Variants in CDH13 observed in about 807,000 individuals in gnomAD.
The protein encoded by CDH13 is cadherin-13.
CDH13 carries 24 observed loss-of-function variants against 63.8 expected under a neutral mutation model. The ratio of observed to expected loss-of-function variants is 0.38; its 90% CI spans 0.27 to 0.53. The LOEUF (loss-of-function observed/expected upper bound fraction) is 0.53. Among genes scored for constraint, CDH13 ranks in the 20% least tolerant of loss-of-function variants. CDH13 has a pLI of 0.85. For missense variants in CDH13, 1,049 were observed against 903.1 expected (o/e 1.16, Z -2.07); for synonymous variants, 503 against 355.3 (o/e 1.42, Z -4.67).
chr16:82,628,791 T>C (rs773651788), intron 1 of CDH13, among the ~76,000 whole-genome samples: 2 of 152,190 alleles, frequency 1.3e-5, no homozygotes, highest in Admixed American at 6.5e-5. Flanking sequence ...GCAAGGCGGT[T>C]TGGAGCATGC....
chr16:83,800,392 A>G lies in CDH13; in HGVS notation c.*5362A>G, dbSNP rs1259918923. On this transcript the variant is annotated 3_prime_UTR_variant, in exon 14 of 14. Coordinates refer to ENST00000567109, the MANE Select transcript of CDH13 (RefSeq NM_001257.5). Reference sequence around the variant, plus strand: ...AACACTGTCCTGATGACAAAATTTTATGTATCCCCCCAGATAAAAATTTTA... The same window carrying G: ...AACACTGTCCTGATGACAAAATTTTGTGTATCCCCCCAGATAAAAATTTTA... 3 of 152,190 alleles carry G rather than the reference A, an allele frequency of 2.0e-5. No individual in the cohort carries two copies. Among genetic ancestry groups the G allele is most frequent in the African/African-American group, 7.2e-5 (3 of 41,450 alleles). The allele number at this position is 152,190 out of a possible 1,614,324, so 9.4% of individuals were successfully genotyped here. A position where few individuals can be genotyped will look rare whatever the true frequency, so the allele number is the denominator to read the frequency against.
intron 7 of CDH13, among the ~76,000 whole-genome samples, chr16:83,590,860 G>C (rs1203076850): frequency 6.6e-6 from 1 of 151,312 alleles, no homozygotes; most frequent in East Asian, 1.9e-4. Context: ...AAATGCTGCA[G>C]GTGGGCTGTC....
intron 5 of CDH13, among the ~76,000 whole-genome samples, chr16:83,270,363 C>T (rs767123677): frequency 1.1e-4 from 16 of 152,160 alleles, no homozygotes; most frequent in Non-Finnish European, 5.9e-5. Flanking sequence ...GGCTGTGTTT[C>T]ACTGCAATAA....
At chr16:82,865,923 A>T (rs977262167) in intron 2 of CDH13, among the ~76,000 whole-genome samples, 1 of 152,196 alleles carries the variant, frequency 6.6e-6, no homozygotes, top group Non-Finnish European at 1.5e-5. Flanking sequence ...CGTAAAGCTG[A>T]ATGCTTTTAA....
intron 2 of CDH13, among the ~76,000 whole-genome samples, chr16:82,938,226 G>A (rs1342066518): frequency 6.6e-6 from 1 of 152,200 alleles, no homozygotes; most frequent in East Asian, 1.9e-4. Flanking sequence ...TGTAAAAACA[G>A]CCTTTGCCTG....
chr16:82,646,592 T>C (rs1910123277), intron 1 of CDH13, among the ~76,000 whole-genome samples: 1 of 152,092 alleles, frequency 6.6e-6, no homozygotes, highest in Admixed American at 6.6e-5. Flanking sequence ...GAGGCCAAGG[T>C]TGTAATATGG....
At chr16:82,825,338 G>C (rs1036502249) in intron 1 of CDH13, 4 of 151,982 alleles carry the variant, frequency 2.6e-5, no homozygotes, top group Non-Finnish European at 4.4e-5. Context: ...GAATTCACCA[G>C]GAAAATACCA....
chr16:82,852,281 T>C (rs182757196), intron 1 of CDH13, among the ~76,000 whole-genome samples: 1 of 152,216 alleles, frequency 6.6e-6, no homozygotes, highest in African/African-American at 2.4e-5. Flanking sequence ...GGATGTTTAG[T>C]GTACAATCAG....
intron 7 of CDH13, among the ~76,000 whole-genome samples, chr16:83,498,192 C>A (rs749024851): frequency 6.6e-6 from 1 of 152,094 alleles, no homozygotes; most frequent in African/African-American, 2.4e-5. Flanking sequence ...CAAGGGGAGA[C>A]GGAGATGGGA....
intron 3 of CDH13, among the ~76,000 whole-genome samples, chr16:83,034,152 T>G (rs1916635180): frequency 6.6e-6 from 1 of 152,174 alleles, no homozygotes; most frequent in African/African-American, 2.4e-5. Flanking sequence ...AAGTGGCTCA[T>G]GTGCCACCCT....
chr16:83,763,586 A>G (rs556695587), intron 11 of CDH13, among the ~76,000 whole-genome samples: 1 of 152,086 alleles, frequency 6.6e-6, no homozygotes, highest in South Asian at 2.1e-4. Context: ...GGGATATAGT[A>G]AGATTATTTA....
At chr16:82,964,005 G>A (rs935195671) in intron 2 of CDH13, among the ~76,000 whole-genome samples, 24 of 152,204 alleles carry the variant, frequency 1.6e-4, no homozygotes, top group African/African-American at 4.6e-4. Flanking sequence ...ACCAGTGCCC[G>A]GTGGAGCTGC....
chr16:83,671,760 A>T (rs1470975780), intron 9 of CDH13, among the ~76,000 whole-genome samples: 1 of 152,194 alleles, frequency 6.6e-6, no homozygotes, highest in Admixed American at 6.5e-5. Context: ...ACCCTTGCTA[A>T]CTCACACACT....
At position 82,682,639 on chromosome 16, in the gene CDH13, G is replaced by T. The variant is rs564224941; in HGVS notation, c.45+55502G>T. Among the ~76,000 whole-genome samples the T allele has an allele frequency of 2.6e-5, 4 of 152,270 alleles. No homozygotes were observed. In the South Asian group the frequency reaches 8.3e-4, roughly 32 times the overall value. On this transcript the variant is annotated intron_variant, in intron 1 of 13. Transcript: ENST00000567109. ...ATAAAACATGCTTCTGGCAATATTT[G>T]CCCCCTAGGAAATTCAAATAGGAAG...
chr16:83,121,961 G>GTC (rs2035597970), intron 3 of CDH13, among the ~76,000 whole-genome samples: 3 of 85,556 alleles, frequency 3.5e-5, no homozygotes, highest in Non-Finnish European at 2.4e-5. Context: ...CTTTAAAACT[G>GTC]TCACACACAC....
At chr16:82,648,882 T>C (rs3910227) in intron 1 of CDH13, among the ~76,000 whole-genome samples, 57,812 of 151,984 alleles carry the variant, frequency 0.38, 11,487 homozygotes, top group African/African-American at 0.5. Context: ...GGAAGATGGA[T>C]TGAATCAGGA....
chr16:83,788,210 G>C (rs879543754), intron 13 of CDH13, among the ~76,000 whole-genome samples: 2 of 152,110 alleles, frequency 1.3e-5, no homozygotes, highest in African/African-American at 4.8e-5. Flanking sequence ...GAAGAACAAA[G>C]GCACTGCAGG....
intron 10 of CDH13, among the ~76,000 whole-genome samples, chr16:83,705,763 C>G (rs1401879493): frequency 6.6e-6 from 1 of 152,222 alleles, no homozygotes; most frequent in Non-Finnish European, 1.5e-5. Context: ...GTCAAGCATT[C>G]ACCATTCATT....
rs1555509355 is a variant in CDH13 at position 83,184,125 on chromosome 16, CAT to C, written c.484-33218_484-33217del. Reference sequence around the variant, plus strand: ...ACACACACACACACACACACACACACATACACACACACACAACTAGTAAAAAA... The same window carrying C: ...ACACACACACACACACACACACACACACACACACACACAACTAGTAAAAAA... On this transcript the variant is annotated intron_variant, in intron 4 of 13. Coordinates refer to ENST00000567109, the MANE Select transcript of CDH13 (RefSeq NM_001257.5). 6.5e-3 allele frequency among the ~76,000 whole-genome samples: 917 copies of C among 142,108 alleles called. 16 individuals are homozygous for C. The highest frequency in any genetic ancestry group is 0.038 in the Admixed American group (543 of 14,276). The allele number at this position is 142,108 out of a possible 152,430, so 93.2% of individuals were successfully genotyped here. A position where few individuals can be genotyped will look rare whatever the true frequency, so the allele number is the denominator to read the frequency against.
Sources: allele counts gnomAD v4.1 joint callset (sites outside exome capture counted in the v4.1 genomes callset), GRCh38; gene constraint gnomAD v4.1.1; transcripts MANE v1.5; gene names NCBI Gene and HGNC (gene_info 2026-07-23, HGNC 2026-07-21).